The following NCAPD3 variants were observed in gnomAD, a reference collection of about 807,000 sequenced individuals.
NCAPD3 encodes non-SMC condensin II complex subunit D3, also known as condensin-2 complex subunit D3.
NCAPD3 carries 105 observed loss-of-function variants against 182.9 expected under a neutral mutation model. The observed-to-expected ratio is 0.57, with a 90% CI of 0.49 to 0.68. The LOEUF (loss-of-function observed/expected upper bound fraction) is 0.68. NCAPD3 is among the 30% of genes least tolerant of loss of function. NCAPD3 has a pLI of 0.00. For missense variants in NCAPD3, 1,944 were observed against 1,837.0 expected, an observed-to-expected ratio of 1.06 and a Z score of -1.07; for synonymous variants, 815 against 679.9, an observed-to-expected ratio of 1.20 and a Z score of -3.09.
intron 27 of NCAPD3, among the ~76,000 whole-genome samples, chr11:134,162,627 A>C (rs1173615574): frequency 6.6e-6 from 1 of 152,240 alleles, no homozygotes; most frequent in Non-Finnish European, 1.5e-5. Context: ...AAAAAGTCTT[A>C]TCAGAGTTCC....
At chr11:134,167,844 T>C in intron 27 of NCAPD3, 152 bp downstream of exon 27, 1 of 744,582 alleles carries the variant, frequency 1.3e-6, no homozygotes, top group Non-Finnish European at 2.2e-6. Flanking sequence ...TGAGATGAGC[T>C]TGGGGGAGCA....
At chr11:134,195,390 C>T (rs180711454) in intron 13 of NCAPD3, among the ~76,000 whole-genome samples, 94 of 152,268 alleles carry the variant, frequency 6.2e-4, no homozygotes, top group Admixed American at 1.3e-3. Flanking sequence ...TGAGCTACCA[C>T]GCCCAGCCTT....
chr11:134,151,710 G>A lies in NCAPD3; in HGVS notation c.*1234C>T, dbSNP rs1359348986. 6.6e-6 allele frequency: 1 copy of A among 152,128 alleles called. No individual in the cohort carries two copies. Among genetic ancestry groups the A allele is most frequent in the African/African-American group, 2.4e-5 (1 of 41,418 alleles). The allele number at this position is 152,128 out of a possible 1,614,324, so 9.4% of individuals were successfully genotyped here. A position where few individuals can be genotyped will look rare whatever the true frequency, so the allele number is the denominator to read the frequency against. On this transcript the variant is annotated 3_prime_UTR_variant, in exon 35 of 35. Transcript: ENST00000534548. The stretch of plus-strand genomic sequence containing the variant: ...GACTTGTACTAACACACCGTAATTT[G>A]GCATTTGTTTAACCTCATTTATAAA...
chr11:134,155,990 G>A (rs917051256), intron 32 of NCAPD3, among the ~76,000 whole-genome samples: 2 of 152,212 alleles, frequency 1.3e-5, no homozygotes, highest in Admixed American at 6.5e-5. Flanking sequence ...GAATACAGCA[G>A]GTGCTCCACA....
rs940771989 is a variant in NCAPD3, at chr11:134,152,784, A to G, written c.*160T>C. 2 of 603,190 alleles carry G rather than the reference A, an allele frequency of 3.3e-6. No homozygotes were observed. The highest frequency in any genetic ancestry group is 4.8e-5 in the South Asian group (2 of 41,902). The allele number at this position is 603,190 out of a possible 1,614,324, so 37.4% of individuals were successfully genotyped here. A position where few individuals can be genotyped will look rare whatever the true frequency, so the allele number is the denominator to read the frequency against. On this transcript the variant is annotated 3_prime_UTR_variant, in exon 35 of 35. Transcript: ENST00000534548. The stretch of plus-strand genomic sequence containing the variant: ...TGTTTAACCAAATACATCATACAGA[A>G]TAGAAGGTGAGTGCCAGGCCCCTGA...
chr11:134,224,119 C>CGAAAAGTGGAAGCT (rs1938356948), upstream of NCAPD3: 2 of 666,572 alleles, frequency 3.0e-6, no homozygotes, highest in East Asian at 5.6e-5. Flanking sequence ...CTGGGCGGGC[C>CGAAAAGTGGAAGCT]GAAAAGTGGA....
chr11:134,168,339 G>A (rs1943919720), intron 26 of NCAPD3, 130 bp downstream of exon 26: 4 of 1,498,454 alleles, frequency 2.7e-6, no homozygotes, highest in Admixed American at 1.7e-5. Flanking sequence ...GCTGATGCCA[G>A]AGAAGGACAA....
chr11:134,205,798 C>T lies in NCAPD3; in HGVS notation c.1016+801G>A, dbSNP rs183189901. On this transcript the variant is annotated intron_variant, in intron 8 of 34. Coordinates refer to ENST00000534548, the MANE Select transcript of NCAPD3 (RefSeq NM_015261.3). ...ACTCTCATGGAAAAAACGAAACGAT[C>T]GTGTTTTCACTTAAAACATTTTAGT... Among the ~76,000 whole-genome samples, 18 of 152,296 alleles carry T rather than the reference C, an allele frequency of 1.2e-4. No homozygotes were observed. The East Asian group carries it at 3.3e-3, about 28-fold the overall frequency.
At chr11:134,153,537 A>T in intron 32 of NCAPD3, 174 bp from the exon 33 acceptor site, 1 of 669,732 alleles carries the variant, frequency 1.5e-6, no homozygotes, top group African/African-American at 1.8e-5. Flanking sequence ...CCTCCTGGGG[A>T]TGCTCCTTTC....
intron 22 of NCAPD3, 199 bp downstream of exon 22, chr11:134,178,435 C>T (rs145874037): frequency 3.8e-4 from 154 of 409,680 alleles, no homozygotes; most frequent in Non-Finnish European, 6.0e-4. Context: ...GAGGACTTAT[C>T]AGCCTGAGGG....
chr11:134,209,696 C>T, intron 4 of NCAPD3: 1 of 462,202 alleles, frequency 2.2e-6, no homozygotes. Flanking sequence ...AGTTTTGTGT[C>T]AATGAGGAAT....
rs1312769981 is a variant in NCAPD3 at position 134,158,369 on chromosome 11, G to A, written c.3994C>T (p.Pro1332Ser). 1.2e-6 allele frequency: 2 copies of A among 1,614,092 alleles called. No homozygotes were observed. Among genetic ancestry groups the A allele is most frequent in the African/African-American group, 1.3e-5 (1 of 74,936 alleles). The change falls in exon 30 of 35, where the codon CCT (proline) becomes TCT (serine). Residue 1332 changes from proline (P) to serine (S), a missense_variant. Pro to Ser is a moderately conservative substitution (Grantham distance 74, BLOSUM62 -1). Around this residue, in one of 3 missense-constraint regions of NCAPD3, gnomAD observed 1,803 missense variants for 1,674.6 expected, o/e 1.08. Transcript: ENST00000534548. The part of the protein sequence containing the change: ...AGHVAVSSPT[P>S]ETGPLQRLLP... ...AACCTCTGCAATGGCCCTGTTTCAG[G>A]TGTAGGAGATGATACTGCTACATGG...
intron 27 of NCAPD3, among the ~76,000 whole-genome samples, chr11:134,165,771 A>G (rs1466792616): frequency 2.4e-4 from 21 of 87,738 alleles, no homozygotes; most frequent in South Asian, 4.4e-4. Context: ...TGGGGGAGGT[A>G]CACACTCGTG....
chr11:134,219,735 T>G (rs958191869), intron 2 of NCAPD3, among the ~76,000 whole-genome samples: 1 of 152,210 alleles, frequency 6.6e-6, no homozygotes, highest in African/African-American at 2.4e-5. Flanking sequence ...GAACTCAATA[T>G]TTACAGGAAC....
intron 27 of NCAPD3, among the ~76,000 whole-genome samples, chr11:134,165,494 TGA>T (rs1168084571): frequency 7.1e-6 from 1 of 140,088 alleles, no homozygotes. Context: ...GGCACACTTG[TGA>T]GATGAGCTTA....
At chr11:134,165,375 GAT>G (rs527881569) in intron 27 of NCAPD3, among the ~76,000 whole-genome samples, 13 of 151,252 alleles carry the variant, frequency 8.6e-5, no homozygotes, top group South Asian at 2.1e-4. Flanking sequence ...GCACTCGTGA[GAT>G]AAGCTTCGGG....
At chr11:134,224,186 C>G, upstream of NCAPD3, 1 of 583,352 alleles carries the variant, frequency 1.7e-6, no homozygotes, top group South Asian at 2.0e-5. Context: ...GAGCCAGGGC[C>G]TGAGTTAAAC....
At chr11:134,176,763 G>A (rs573317949) in intron 23 of NCAPD3, among the ~76,000 whole-genome samples, 31 of 152,212 alleles carry the variant, frequency 2.0e-4, no homozygotes, top group Non-Finnish European at 3.7e-4. Context: ...AATATCTAAC[G>A]CTCTGCAGAG....
At chr11:134,212,375 T>TTG (rs56807520) in intron 3 of NCAPD3, among the ~76,000 whole-genome samples, 10,791 of 143,180 alleles carry the variant, frequency 0.075, 389 homozygotes, top group South Asian at 0.11. Flanking sequence ...TTTTGTTGTT[T>TTG]TGTGTGTGTG....
Sources: gnomAD v4.1 joint callset for allele counts (sites outside exome capture counted in the v4.1 genomes callset) on GRCh38, gnomAD v4.1.1 for gene constraint, gnomAD v4.1.1 regional missense constraint, MANE v1.5 for transcripts, NCBI Gene and HGNC (gene_info 2026-07-23, HGNC 2026-07-21) for gene names.